Variants in RREB1 observed in about 807,000 individuals in gnomAD.
The protein encoded by RREB1 is ras-responsive element-binding protein 1.
RREB1 carries 27 observed loss-of-function variants against 117.8 expected under a neutral mutation model. The ratio of observed to expected loss-of-function variants is 0.23; its 90% CI spans 0.17 to 0.32. The LOEUF (loss-of-function observed/expected upper bound fraction) is 0.32. RREB1 is among the 10% of genes least tolerant of loss of function. The pLI, the probability that RREB1 is intolerant of heterozygous loss-of-function variation, is 1.00. For missense variants in RREB1, 2,577 were observed against 2,378.2 expected (o/e 1.08, Z -1.74); for synonymous variants, 1,298 against 1,026.7 (o/e 1.26, Z -5.05).
chr6:7,157,292 G>A (rs900011813), intron 1 of RREB1, among the ~76,000 whole-genome samples: 3 of 152,076 alleles, frequency 2.0e-5, no homozygotes, highest in African/African-American at 7.2e-5. Context: ...AACTTAGCCA[G>A]GTGTGGTGGG....
At chr6:7,135,158 A>AAC (rs1762299278) in intron 1 of RREB1, among the ~76,000 whole-genome samples, 1 of 152,212 alleles carries the variant, frequency 6.6e-6, no homozygotes, top group Non-Finnish European at 1.5e-5. Flanking sequence ...TATGATTAAA[A>AAC]CAGAAAAAGA....
chr6:7,189,821 C>CA (rs1463853710), intron 6 of RREB1, among the ~76,000 whole-genome samples: 4 of 152,130 alleles, frequency 2.6e-5, no homozygotes, highest in Admixed American at 6.6e-5. Flanking sequence ...ATCTGATAAA[C>CA]ATCAGGACAT....
At chr6:7,134,638 G>C (rs1218725340) in intron 1 of RREB1, among the ~76,000 whole-genome samples, 4 of 152,162 alleles carry the variant, frequency 2.6e-5, no homozygotes, top group Non-Finnish European at 5.9e-5. Flanking sequence ...ATTAAATACA[G>C]CAGCATTTTC....
chr6:7,183,687 C>G (rs1326790858), intron 4 of RREB1: 1 of 152,104 alleles, frequency 6.6e-6, no homozygotes, highest in Non-Finnish European at 1.5e-5. Flanking sequence ...TTTCATCCCC[C>G]TCCTTTCTTC....
intron 1 of RREB1, among the ~76,000 whole-genome samples, chr6:7,163,147 C>T (rs956397372): frequency 2.6e-5 from 4 of 152,176 alleles, no homozygotes; most frequent in African/African-American, 9.7e-5. Context: ...GAGAGCAGAG[C>T]GTTAAAGTTT....
In RREB1 at chr6:7,215,232, A is replaced by G. The variant is rs980330241; in HGVS notation, c.707+3523A>G. On this transcript the variant is annotated intron_variant, in intron 8 of 12. Coordinates refer to ENST00000379938, the MANE Select transcript of RREB1 (RefSeq NM_001003699.4). Reference sequence around the variant, plus strand: ...TCAGAATAGAACTGAGCAACTGGCCATACCCTGCTGTGAATGAAGTCAGCT... The same window carrying G: ...TCAGAATAGAACTGAGCAACTGGCCGTACCCTGCTGTGAATGAAGTCAGCT... 9.2e-5 allele frequency: 14 copies of G among 152,328 alleles called. 1 individual carries two copies. The highest frequency in any genetic ancestry group is 9.2e-4 in the Admixed American group (14 of 15,286). 9.4% of individuals were successfully genotyped at this position (152,328 alleles called of 1,614,324 possible).
At chr6:7,124,053 AAG>A (rs1381299125) in intron 1 of RREB1, among the ~76,000 whole-genome samples, 2 of 152,214 alleles carry the variant, frequency 1.3e-5, no homozygotes, top group Non-Finnish European at 2.9e-5. Flanking sequence ...CTGCTTTAGA[AAG>A]AGAGTGTATG....
chr6:7,240,215 T>C (rs1365092028), intron 10 of RREB1, among the ~76,000 whole-genome samples: 1 of 152,168 alleles, frequency 6.6e-6, no homozygotes, highest in Non-Finnish European at 1.5e-5. Flanking sequence ...TATTTTAGTA[T>C]TTTGAGGACA....
intron 1 of RREB1, among the ~76,000 whole-genome samples, chr6:7,138,707 C>T (rs1355929348): frequency 6.6e-6 from 1 of 152,168 alleles, no homozygotes; most frequent in Non-Finnish European, 1.5e-5. Context: ...CACCAGTATA[C>T]ACATTTAAAA....
At chr6:7,152,647 A>C (rs1763176077) in intron 1 of RREB1, among the ~76,000 whole-genome samples, 1 of 152,310 alleles carries the variant, frequency 6.6e-6, no homozygotes, top group South Asian at 2.1e-4. Context: ...CACCCAGAGA[A>C]TGAGGCACTG....
At chr6:7,200,269 TGTGTGTGTGTGTA>T (rs1326196866) in intron 6 of RREB1, among the ~76,000 whole-genome samples, 11 of 138,746 alleles carry the variant, frequency 7.9e-5, no homozygotes, top group East Asian at 2.2e-4. Flanking sequence ...TGTGTGTGTG[TGTGTGTGTGTGTA>T]TTTTTTTTTT....
intron 6 of RREB1, among the ~76,000 whole-genome samples, chr6:7,192,980 GTTTTC>G (rs1277752479): frequency 9.2e-5 from 14 of 152,020 alleles, no homozygotes; most frequent in South Asian, 4.1e-4. Context: ...TGTATGTTGT[GTTTTC>G]TTTTTCATTC....
intron 10 of RREB1, among the ~76,000 whole-genome samples, chr6:7,238,342 A>G (rs2842375): frequency 0.36 from 54,185 of 152,058 alleles, 9,913 homozygotes; most frequent in South Asian, 0.4. Context: ...GGCTCAAGCA[A>G]TCCTCCCACC....
At chr6:7,151,869 C>T (rs1235077181) in intron 1 of RREB1, among the ~76,000 whole-genome samples, 1 of 152,256 alleles carries the variant, frequency 6.6e-6, no homozygotes, top group East Asian at 1.9e-4. Context: ...TTTATAAGCT[C>T]CCAGGAATTT....
chr6:7,244,735 G>T (rs565187177), intron 11 of RREB1, among the ~76,000 whole-genome samples: 33 of 152,326 alleles, frequency 2.2e-4, no homozygotes, highest in African/African-American at 7.7e-4. Context: ...GAAATGAAAT[G>T]ATGTAAGTAG....
chr6:7,231,966 G>A lies in RREB1; in HGVS notation c.3808+59G>A, dbSNP rs73376334. 3.9e-3 allele frequency: 5,770 copies of A among 1,494,916 alleles called. 164 individuals are homozygous for A. In the African/African-American group the frequency reaches 0.066, roughly 17 times the overall value. The allele number at this position is 1,494,916 out of a possible 1,614,324, so 92.6% of individuals were successfully genotyped here. ...CCTACTTCCTGGTAGGGGGAGCCACGAGTGGGGGTCAAAAGCGAGACCCAT... is the reference window on the plus strand; with the variant it reads ...CCTACTTCCTGGTAGGGGGAGCCACAAGTGGGGGTCAAAAGCGAGACCCAT... On this transcript the variant is annotated intron_variant, in intron 10 of 12. Coordinates refer to ENST00000379938, the MANE Select transcript of RREB1 (RefSeq NM_001003699.4).
intron 1 of RREB1, among the ~76,000 whole-genome samples, chr6:7,166,516 G>T (rs777659119): frequency 6.6e-6 from 1 of 152,190 alleles, no homozygotes; most frequent in African/African-American, 2.4e-5. Context: ...GGAGCTGGGC[G>T]TGGTCACTTC....
At chr6:7,138,247 G>T (rs1762426141) in intron 1 of RREB1, among the ~76,000 whole-genome samples, 1 of 152,170 alleles carries the variant, frequency 6.6e-6, no homozygotes, top group South Asian at 2.1e-4. Flanking sequence ...GCCAGTTACT[G>T]TGGTATTTAA....
At position 7,229,700 on chromosome 6, in the gene RREB1, C is replaced by T; in HGVS notation, c.1601C>T (p.Ser534Phe). ...PPPLINAQQA[S>F]PGCISPSLPP... ...CCTCTCATCAACGCCCAGCAGGCTT[C>T]CCCGGGCTGTATCAGCCCCAGCCTG... Residue 534 changes from serine to phenylalanine, a missense_variant, in exon 10 of 13, where the codon TCC becomes TTC. By Grantham distance (155) the Ser-to-Phe change is radical. Coordinates refer to ENST00000379938, the MANE Select transcript of RREB1 (RefSeq NM_001003699.4). The surrounding 1 kb of genome is among the most constrained non-coding windows in gnomAD (Gnocchi z 4.5). 1.2e-6 allele frequency: 2 copies of T among 1,608,314 alleles called. No homozygotes were observed. The highest frequency in any genetic ancestry group is 1.3e-5 in the African/African-American group (1 of 75,000).
Sources: gnomAD v4.1 joint callset for allele counts (sites outside exome capture counted in the v4.1 genomes callset) on GRCh38, gnomAD v4.1.1 for gene constraint, Gnocchi (gnomAD v3.1) non-coding constraint, MANE v1.5 for transcripts, NCBI Gene and HGNC (gene_info 2026-07-23, HGNC 2026-07-21) for gene names.